The following SPAG16 variants were observed in gnomAD, a reference collection of about 807,000 sequenced individuals.
SPAG16 encodes sperm-associated antigen 16 protein.
SPAG16 carries 86 observed loss-of-function variants against 80.4 expected under a neutral mutation model. The observed-to-expected ratio is 1.07, with a 90% CI of 0.90 to 1.28. SPAG16 has a LOEUF of 1.28. Among genes scored for constraint, SPAG16 ranks in the 50% most tolerant of loss-of-function variants. The pLI is 0.00. For missense variants in SPAG16, 870 were observed against 765.3 expected (o/e 1.14, Z -1.61); for synonymous variants, 294 against 265.9 (o/e 1.11, Z -1.03).
At position 213,502,004 on chromosome 2, in the gene SPAG16, T is replaced by A. The variant is rs186587868; in HGVS notation, c.1070+11914T>A. ...TAACCAAAGTGGTTTAAGAATTACA[T>A]ACATTTATTTTTATTTAGCTATTTC... On this transcript the variant is annotated intron_variant, in intron 10 of 15. Coordinates refer to ENST00000331683, the MANE Select transcript of SPAG16 (RefSeq NM_024532.5). Among the ~76,000 whole-genome samples the A allele has an allele frequency of 5.4e-4, 82 of 152,386 alleles. No individual in the cohort carries two copies. The East Asian group carries it at 0.016, about 29-fold the overall frequency.
chr2:214,289,068 C>A (rs1693601954), intron 15 of SPAG16, among the ~76,000 whole-genome samples: 1 of 152,096 alleles, frequency 6.6e-6, no homozygotes. Context: ...GTTCCCAGCC[C>A]TTTGCCCACT....
intron 12 of SPAG16, among the ~76,000 whole-genome samples, chr2:213,976,135 T>TATATATATATATATATATATACACAC (rs749957411): frequency 1.2e-5 from 1 of 81,416 alleles, no homozygotes; most frequent in African/African-American, 3.8e-5. Context: ...TATATATATA[T>TATATATATATATATATATATACACAC]ACACACACAC....
rs1491244962 is a variant in SPAG16, at chr2:213,869,265, A to AAAAAAAAATATATATATACG, written c.1214+6637_1214+6638insAAAAAAAATATATATATACG. On this transcript the variant is annotated intron_variant, in intron 11 of 15. Transcript: ENST00000331683. The stretch of plus-strand genomic sequence containing the variant: ...CTAAAGTCCATGTCAAAAAAAAAAA[A>AAAAAAAAATATATATATACG]TATATATATATATATGTATATATAT... Among the ~76,000 whole-genome samples the AAAAAAAAATATATATATACG allele has an allele frequency of 2.0e-4, 5 of 24,806 alleles. 1 individual carries two copies. Among genetic ancestry groups the AAAAAAAAATATATATATACG allele is most frequent in the Non-Finnish European group, 1.4e-3 (5 of 3,580 alleles). 16.3% of individuals were successfully genotyped at this position (24,806 alleles called of 152,430 possible). A position where few individuals can be genotyped will look rare whatever the true frequency, so the allele number is the denominator to read the frequency against.
intron 13 of SPAG16, among the ~76,000 whole-genome samples, chr2:214,092,917 A>T (rs531158304): frequency 7.9e-6 from 1 of 127,078 alleles, no homozygotes; most frequent in South Asian, 2.4e-4. Flanking sequence ...TCTTCATCCC[A>T]GCAGCTCTTT....
At chr2:213,339,724 A>C (rs1430649287) in intron 5 of SPAG16, among the ~76,000 whole-genome samples, 1 of 152,066 alleles carries the variant, frequency 6.6e-6, no homozygotes, top group African/African-American at 2.4e-5. Flanking sequence ...ATCAGAACTG[A>C]ATAATCTAGT....
At chr2:214,057,116 C>T (rs1433918537) in intron 13 of SPAG16, among the ~76,000 whole-genome samples, 1 of 151,418 alleles carries the variant, frequency 6.6e-6, no homozygotes, top group African/African-American at 2.4e-5. Flanking sequence ...TCCTGTTAAT[C>T]TTTATATTTC....
chr2:213,748,394 GAT>G (rs1318822210), intron 10 of SPAG16, among the ~76,000 whole-genome samples: 1 of 151,594 alleles, frequency 6.6e-6, no homozygotes, highest in Non-Finnish European at 1.5e-5. Context: ...TCTTTAAAAA[GAT>G]ATAAGTAAAT....
chr2:213,954,752 A>G (rs534587426), intron 12 of SPAG16, among the ~76,000 whole-genome samples: 14 of 152,246 alleles, frequency 9.2e-5, no homozygotes, highest in African/African-American at 3.1e-4. Context: ...CCATAGTGCT[A>G]TTTTTATTCC....
At position 214,410,138 on chromosome 2, in the gene SPAG16, A is replaced by C. The variant is rs779391620; in HGVS notation, c.1721-2A>C. The C allele has an allele frequency of 1.2e-6, 2 of 1,613,628 alleles. No homozygotes were observed. The highest frequency in any genetic ancestry group is 1.7e-6 in the Non-Finnish European group (2 of 1,179,566). On this transcript the variant is annotated splice_acceptor_variant, in intron 15 of 15. Coordinates refer to ENST00000331683, the MANE Select transcript of SPAG16 (RefSeq NM_024532.5). LOFTEE classifies it high-confidence loss of function. The stretch of plus-strand genomic sequence containing the variant: ...TCTCTCTCTCCTCTCTGTCTCCCTC[A>C]GGTCGAGTTTTAGCTCAGGCAAGTG...
At chr2:213,707,740 A>G (rs962706537) in intron 10 of SPAG16, among the ~76,000 whole-genome samples, 3 of 150,604 alleles carry the variant, frequency 2.0e-5, no homozygotes, top group Non-Finnish European at 2.9e-5. Flanking sequence ...TATTTACCCT[A>G]ATTTTCTAAG....
At chr2:214,312,693 A>C (rs1351046142) in intron 15 of SPAG16, among the ~76,000 whole-genome samples, 1 of 152,186 alleles carries the variant, frequency 6.6e-6, no homozygotes, top group African/African-American at 2.4e-5. Flanking sequence ...TATGGGGAGC[A>C]CAAGGCATTG....
chr2:214,210,837 G>GCACA (rs200090169), intron 15 of SPAG16, among the ~76,000 whole-genome samples: 2 of 147,568 alleles, frequency 1.4e-5, no homozygotes, highest in Non-Finnish European at 3.0e-5. Flanking sequence ...ACATGCGCGC[G>GCACA]CGCACACACA....
chr2:213,335,786 A>G (rs1389543313), intron 5 of SPAG16, among the ~76,000 whole-genome samples: 3 of 152,198 alleles, frequency 2.0e-5, no homozygotes, highest in Non-Finnish European at 2.9e-5. Context: ...TCACCTGAAC[A>G]TTGTTTATTT....
chr2:213,619,519 A>G (rs898411269), intron 10 of SPAG16, among the ~76,000 whole-genome samples: 4 of 152,210 alleles, frequency 2.6e-5, no homozygotes, highest in African/African-American at 9.6e-5. Flanking sequence ...ATGAATAGAC[A>G]TTCCTCAAAA....
At chr2:213,546,418 A>G (rs1203804687) in intron 10 of SPAG16, among the ~76,000 whole-genome samples, 1 of 152,104 alleles carries the variant, frequency 6.6e-6, no homozygotes, top group Non-Finnish European at 1.5e-5. Flanking sequence ...TTTTTTCTAC[A>G]ATGCATTTAT....
chr2:213,694,722 C>G (rs930590862), intron 10 of SPAG16, among the ~76,000 whole-genome samples: 8 of 151,624 alleles, frequency 5.3e-5, no homozygotes, highest in African/African-American at 1.9e-4. Flanking sequence ...TCCTTCCTTC[C>G]TGCTTGCATT....
chr2:213,587,058 G>A (rs992375929), intron 10 of SPAG16, among the ~76,000 whole-genome samples: 1 of 152,146 alleles, frequency 6.6e-6, no homozygotes, highest in Admixed American at 6.5e-5. Context: ...TAGCGCTCAT[G>A]GCTTTTCTGG....
At chr2:214,252,460 G>A (rs1576600789) in intron 15 of SPAG16, among the ~76,000 whole-genome samples, 2 of 128,892 alleles carry the variant, frequency 1.6e-5, no homozygotes, top group African/African-American at 2.9e-5. Context: ...CCCACCCCAC[G>A]ACAGACCACA....
At chr2:213,333,153 C>G (rs2064183309) in intron 5 of SPAG16, among the ~76,000 whole-genome samples, 1 of 152,016 alleles carries the variant, frequency 6.6e-6, no homozygotes. Flanking sequence ...CTGATAAATT[C>G]AGCAAGGTTT....
Sources: allele counts gnomAD v4.1 joint callset (sites outside exome capture counted in the v4.1 genomes callset), GRCh38; gene constraint gnomAD v4.1.1; transcripts MANE v1.5; gene names NCBI Gene and HGNC (gene_info 2026-07-23, HGNC 2026-07-21).